NRXN3: variants seen among roughly 807,000 people sequenced by gnomAD.
NRXN3 encodes neurexin III.
Under a neutral mutation model 137.6 loss-of-function variants are expected in NRXN3, and 32 were observed. The observed-to-expected ratio is 0.23, with a 90% CI of 0.18 to 0.31. The LOEUF (loss-of-function observed/expected upper bound fraction) is 0.31, where lower values mean the gene tolerates loss of function less well. Among genes scored for constraint, NRXN3 ranks in the 10% least tolerant of loss-of-function variants. NRXN3 has a pLI of 1.00. For synonymous variants in NRXN3, 798 were observed against 784.5 expected, an observed-to-expected ratio of 1.02 and a Z score of -0.29; for missense variants, 1,574 against 2,062.5, an observed-to-expected ratio of 0.76 and a Z score of 4.59.
intron 10 of NRXN3, among the ~76,000 whole-genome samples, chr14:78,870,544 T>C (rs938310023): frequency 3.3e-5 from 5 of 152,138 alleles, no homozygotes; most frequent in African/African-American, 4.8e-5. Flanking sequence ...ATACTTCTGC[T>C]CTTTTAGTTA....
In NRXN3 at chr14:79,598,992, T is replaced by C. The variant is rs1416140990; in HGVS notation, c.3445-64786T>C. On this transcript the variant is annotated intron_variant, in intron 16 of 20. Coordinates refer to ENST00000335750, the MANE Select transcript of NRXN3 (RefSeq NM_001330195.2). ...TTTAGTTAACTGCTGTCTGTCTTCTTCTACATTGCACTCAAGCTTAACTCT... is the reference window on the plus strand; with the variant it reads ...TTTAGTTAACTGCTGTCTGTCTTCTCCTACATTGCACTCAAGCTTAACTCT... Among the ~76,000 whole-genome samples, 3 of 152,206 alleles carry C rather than the reference T, an allele frequency of 2.0e-5. No homozygotes were observed. In the East Asian group the frequency reaches 5.8e-4, roughly 29 times the overall value.
chr14:78,537,012 G>A (rs2096542695), intron 4 of NRXN3, among the ~76,000 whole-genome samples: 1 of 152,120 alleles, frequency 6.6e-6, no homozygotes, highest in South Asian at 2.1e-4. Flanking sequence ...ATCATTGATG[G>A]ACATTTGGGT....
At chr14:78,693,391 C>G (rs777610404) in intron 6 of NRXN3, among the ~76,000 whole-genome samples, 1 of 151,830 alleles carries the variant, frequency 6.6e-6, no homozygotes, top group Non-Finnish European at 1.5e-5. Context: ...CCATGTAGTT[C>G]TCATAAAACT....
chr14:79,230,264 G>A (rs1378016279), intron 15 of NRXN3, among the ~76,000 whole-genome samples: 1 of 152,100 alleles, frequency 6.6e-6, no homozygotes, highest in African/African-American at 2.4e-5. Context: ...AACATGTTGT[G>A]TTGGCATCAC....
chr14:79,033,011 C>G (rs991600336), intron 15 of NRXN3, among the ~76,000 whole-genome samples: 9 of 152,128 alleles, frequency 5.9e-5, no homozygotes, highest in Non-Finnish European at 8.8e-5. Context: ...GTTGCCACCT[C>G]TAGACACTCA....
chr14:78,554,339 G>A (rs929629858), intron 4 of NRXN3, among the ~76,000 whole-genome samples: 1 of 152,074 alleles, frequency 6.6e-6, no homozygotes, highest in African/African-American at 2.4e-5. Context: ...GAAGCCTCGG[G>A]CTGGGCTCCT....
intron 1 of NRXN3, among the ~76,000 whole-genome samples, chr14:78,229,754 G>GCCCTCTTGCTGTGTCTTTT (rs1415136169): frequency 6.6e-6 from 1 of 152,166 alleles, no homozygotes; most frequent in African/African-American, 2.4e-5. Flanking sequence ...TCTGAAGTGT[G>GCCCTCTTGCTGTGTCTTTT]CCCTCTTGCT....
At chr14:78,676,245 A>G (rs1234883553) in intron 6 of NRXN3, among the ~76,000 whole-genome samples, 1 of 152,224 alleles carries the variant, frequency 6.6e-6, no homozygotes, top group Non-Finnish European at 1.5e-5. Context: ...AAGTTAAGAT[A>G]GGCTGAAAGC....
intron 3 of NRXN3, among the ~76,000 whole-genome samples, chr14:78,291,543 G>T (rs1317109871): frequency 1.3e-5 from 2 of 152,148 alleles, no homozygotes; most frequent in African/African-American, 4.8e-5. Flanking sequence ...TGAACAACAT[G>T]ACTTTTTTTC....
intron 2 of NRXN3, among the ~76,000 whole-genome samples, chr14:78,256,939 A>G (rs1596444159): frequency 6.6e-6 from 1 of 152,184 alleles, no homozygotes; most frequent in South Asian, 2.1e-4. Context: ...CAGGGCTTGC[A>G]GCTTTCAGGA....
At chr14:79,504,806 G>T (rs915081992) in intron 16 of NRXN3, among the ~76,000 whole-genome samples, 1 of 151,436 alleles carries the variant, frequency 6.6e-6, no homozygotes, top group African/African-American at 2.4e-5. Flanking sequence ...ATCAACTCTA[G>T]GGATTTTCTG....
At chr14:79,109,795 A>T (rs1295185315) in intron 15 of NRXN3, among the ~76,000 whole-genome samples, 1 of 152,192 alleles carries the variant, frequency 6.6e-6, no homozygotes, top group Non-Finnish European at 1.5e-5. Flanking sequence ...ATCGTTTGTC[A>T]TGCAAGGGCT....
intron 20 of NRXN3, among the ~76,000 whole-genome samples, chr14:79,816,821 A>C (rs1167760944): frequency 6.6e-6 from 1 of 152,230 alleles, no homozygotes; most frequent in Non-Finnish European, 1.5e-5. Flanking sequence ...TAGTATATTA[A>C]CATTTAAAAC....
chr14:78,288,093 C>T (rs2075379006), intron 3 of NRXN3, among the ~76,000 whole-genome samples: 2 of 152,220 alleles, frequency 1.3e-5, no homozygotes, highest in East Asian at 1.9e-4. Context: ...GATTCTCCTG[C>T]CTCAGCCTCC....
At chr14:78,575,130 C>T (rs1293045882) in intron 4 of NRXN3, among the ~76,000 whole-genome samples, 1 of 152,160 alleles carries the variant, frequency 6.6e-6, no homozygotes, top group East Asian at 1.9e-4. Context: ...GAGGAGGTGA[C>T]TTTTGCCATG....
chr14:78,565,723 T>C (rs1376806016), intron 4 of NRXN3, among the ~76,000 whole-genome samples: 2 of 152,184 alleles, frequency 1.3e-5, no homozygotes, highest in African/African-American at 4.8e-5. Context: ...CAACAACTAT[T>C]TCTTGGGGGT....
intron 15 of NRXN3, among the ~76,000 whole-genome samples, chr14:79,030,996 T>C (rs1426321176): frequency 6.6e-6 from 1 of 152,126 alleles, no homozygotes; most frequent in Non-Finnish European, 1.5e-5. Flanking sequence ...ATGACATTTC[T>C]ATTTGTGACT....
At chr14:79,629,241 G>A (rs894166216) in intron 16 of NRXN3, among the ~76,000 whole-genome samples, 4 of 152,088 alleles carry the variant, frequency 2.6e-5, no homozygotes, top group African/African-American at 9.6e-5. Flanking sequence ...GTAAAAGAGG[G>A]AGAAATGGAG....
chr14:78,230,957 A>G (rs149346755), intron 1 of NRXN3, among the ~76,000 whole-genome samples: 337 of 152,312 alleles, frequency 2.2e-3, no homozygotes, highest in African/African-American at 7.7e-3. Context: ...AAGCAGGGAT[A>G]CCTGTTGGGA....
Sources: allele counts gnomAD v4.1 joint callset (sites outside exome capture counted in the v4.1 genomes callset), GRCh38; gene constraint gnomAD v4.1.1; transcripts MANE v1.5; gene names NCBI Gene and HGNC (gene_info 2026-07-23, HGNC 2026-07-21).